Variants in GOSR2 observed in about 807,000 individuals in gnomAD.
GOSR2 encodes golgi SNAP receptor complex member 2, also known as 27 kDa Golgi SNARE protein.
In GOSR2, 20 loss-of-function variants were observed where a neutral mutation model predicts 27.9. The observed-to-expected ratio is 0.72, with a 90% confidence interval of 0.50 to 1.04. The LOEUF (loss-of-function observed/expected upper bound fraction) is 1.04, where lower values mean the gene tolerates loss of function less well. Among genes scored for constraint, GOSR2 ranks in the 50% least tolerant of loss-of-function variants. The pLI is 0.00. For missense variants in GOSR2, 261 were observed against 270.5 expected (o/e 0.97, Z 0.25); for synonymous variants, 91 against 98.8 (o/e 0.92, Z 0.47).
chr17:46,954,022 G>A (rs6504623), intron 6 of GOSR2, among the ~76,000 whole-genome samples: 61,131 of 151,874 alleles, frequency 0.4, 12,520 homozygotes, highest in South Asian at 0.48. Flanking sequence ...TTTGCTGTGC[G>A]GAAGCTCTTT....
At chr17:46,929,208 A>C (rs2086939641) in intron 1 of GOSR2, among the ~76,000 whole-genome samples, 3 of 152,200 alleles carry the variant, frequency 2.0e-5, no homozygotes, top group African/African-American at 7.2e-5. Context: ...AACAAGTTAC[A>C]TAACCTTTCT....
Position 46,941,313 on chromosome 17 carries a change from G to A in GOSR2, c.*2553G>A. On this transcript the variant is annotated 3_prime_UTR_variant, in exon 6 of 6. Coordinates refer to ENST00000640051, the MANE Select transcript of GOSR2 (RefSeq NM_004287.5). The stretch of plus-strand genomic sequence containing the variant: ...TTGCAAATTTGGATTTACACCCATT[G>A]TTTTGGAAGCACATCAGCTGAATAA... The A allele has an allele frequency of 1.0e-6, 1 of 985,634 alleles. No homozygotes were observed. The allele number at this position is 985,634 out of a possible 1,614,324, so 61.1% of individuals were successfully genotyped here. A position where few individuals can be genotyped will look rare whatever the true frequency, so the allele number is the denominator to read the frequency against.
rs1359366442 is a variant in GOSR2, at chr17:46,923,172, G to T, written c.-21G>T. On this transcript the variant is annotated 5_prime_UTR_variant, in exon 1 of 6. Transcript: ENST00000640051. ...TTCCGAGGAAGCCAGAGCCGGAGCCGTGGCCTGCGGGGCCGGCGACATGGA... is the reference window on the plus strand; with the variant it reads ...TTCCGAGGAAGCCAGAGCCGGAGCCTTGGCCTGCGGGGCCGGCGACATGGA... 5 of 1,505,434 alleles carry T rather than the reference G, an allele frequency of 3.3e-6. No homozygotes were observed. The South Asian group carries it at 6.0e-5, about 18-fold the overall frequency. The allele number at this position is 1,505,434 out of a possible 1,614,324, so 93.3% of individuals were successfully genotyped here.
intron 6 of GOSR2, among the ~76,000 whole-genome samples, chr17:46,959,173 G>C (rs147897488): frequency 2.0e-5 from 3 of 152,344 alleles, no homozygotes; most frequent in Non-Finnish European, 4.4e-5. Context: ...GTTGGGCGTA[G>C]TGGCAGAAGT....
intron 6 of GOSR2, among the ~76,000 whole-genome samples, chr17:46,953,292 G>A (rs2147248748): frequency 6.6e-6 from 1 of 151,966 alleles, no homozygotes; most frequent in East Asian, 1.9e-4. Flanking sequence ...GTGAGAACAT[G>A]CAGTGTTTGG....
intron 3 of GOSR2, 101 bp downstream of exon 3, chr17:46,931,308 T>C (rs2087342302): frequency 4.1e-6 from 3 of 739,998 alleles, no homozygotes; most frequent in Non-Finnish European, 5.0e-6. Context: ...CCAACGTACA[T>C]GTTGAAAAAC....
At chr17:46,935,397 T>C (rs2088147157) in intron 5 of GOSR2, 1 of 1,435,474 alleles carries the variant, frequency 7.0e-7, no homozygotes, top group Non-Finnish European at 9.1e-7. Context: ...TGGCCTCTCT[T>C]AGGATCCAGG....
rs577499519 is a variant in GOSR2 at position 46,934,399 on chromosome 17, A to G, written c.337-630A>G. Among the ~76,000 whole-genome samples the G allele has an allele frequency of 5.3e-5, 8 of 152,262 alleles. No homozygotes were observed. The South Asian group carries it at 8.3e-4, about 16-fold the overall frequency. On this transcript the variant is annotated intron_variant, in intron 4 of 5. Coordinates refer to ENST00000640051, the MANE Select transcript of GOSR2 (RefSeq NM_004287.5). ...AAGCTGGGCATGGTAGCATGCACCTATGGTCCCAGCTACTCAGAAGGCTGA... is the reference window on the plus strand; with the variant it reads ...AAGCTGGGCATGGTAGCATGCACCTGTGGTCCCAGCTACTCAGAAGGCTGA...
chr17:46,956,832 G>T (rs1294837801), intron 6 of GOSR2, among the ~76,000 whole-genome samples: 1 of 152,114 alleles, frequency 6.6e-6, no homozygotes, highest in African/African-American at 2.4e-5. Context: ...CCTCACTCCC[G>T]CCCCAAGACT....
chr17:46,936,719 C>T, intron 5 of GOSR2: 1 of 984,724 alleles, frequency 1.0e-6, no homozygotes, highest in Non-Finnish European at 1.2e-6. Flanking sequence ...ATGAAATAAT[C>T]TGTGTGTTCA....
intron 6 of GOSR2, among the ~76,000 whole-genome samples, chr17:46,972,630 G>A (rs1255187120): frequency 6.6e-6 from 1 of 152,202 alleles, no homozygotes; most frequent in Non-Finnish European, 1.5e-5. Context: ...CATGTCCCGG[G>A]CTTTCTGCCC....
At chr17:46,945,643 C>T (rs758973861), downstream of GOSR2, among the ~76,000 whole-genome samples, 7 of 152,096 alleles carry the variant, frequency 4.6e-5, no homozygotes, top group African/African-American at 9.7e-5. Flanking sequence ...CTTTCCAGCC[C>T]GAGCAACAGG....
rs2088874768 is a variant in GOSR2 at position 46,939,013 on chromosome 17, C to G, written c.*253C>G. 4.5e-6 allele frequency: 6 copies of G among 1,330,380 alleles called. No individual in the cohort carries two copies. In the South Asian group the frequency reaches 8.7e-5, roughly 19 times the overall value. 82.4% of individuals were successfully genotyped at this position (1,330,380 alleles called of 1,614,324 possible). On this transcript the variant is annotated 3_prime_UTR_variant, in exon 6 of 6. Transcript: ENST00000640051. The stretch of plus-strand genomic sequence containing the variant: ...GTCCCGGGTCTGTCTCTCTCACTCT[C>G]GCTCTCACTGGGGGAGGGAAAGAAT...
chr17:46,959,331 T>C (rs2090924140), intron 6 of GOSR2, among the ~76,000 whole-genome samples: 1 of 152,196 alleles, frequency 6.6e-6, no homozygotes, highest in Non-Finnish European at 1.5e-5. Flanking sequence ...GTAACATAAA[T>C]CCAACCCCGT....
At chr17:46,951,506 G>T (rs1202049821) in intron 6 of GOSR2, among the ~76,000 whole-genome samples, 1 of 152,190 alleles carries the variant, frequency 6.6e-6, no homozygotes, top group South Asian at 2.1e-4. Context: ...CTCCTGGGAG[G>T]TGCCTTTTAA....
At chr17:46,929,628 A>C (rs745327398) in intron 2 of GOSR2, 44 bp downstream of exon 2, 2 of 971,510 alleles carry the variant, frequency 2.1e-6, no homozygotes, top group Non-Finnish European at 3.4e-6. Flanking sequence ...CTCTGATGAC[A>C]GGGTGCTAAT....
chr17:46,944,586 C>G (rs956171035), downstream of GOSR2, among the ~76,000 whole-genome samples: 9 of 151,374 alleles, frequency 5.9e-5, no homozygotes, highest in Non-Finnish European at 1.2e-4. Flanking sequence ...ACAGTGGGGC[C>G]TGGGCTTCAG....
At chr17:46,930,381 C>T (rs2087160541) in intron 2 of GOSR2, 1 of 152,216 alleles carries the variant, frequency 6.6e-6, no homozygotes, top group Admixed American at 6.5e-5. Flanking sequence ...ACTTTGTTTG[C>T]CTTCTCAGCA....
chr17:46,961,617 A>G (rs1259298309), intron 6 of GOSR2, among the ~76,000 whole-genome samples: 1 of 152,226 alleles, frequency 6.6e-6, no homozygotes, highest in Admixed American at 6.5e-5. Flanking sequence ...TATATTAGTG[A>G]TCACAATAAA....
Sources: gnomAD v4.1 joint callset for allele counts (sites outside exome capture counted in the v4.1 genomes callset) on GRCh38, gnomAD v4.1.1 for gene constraint, MANE v1.5 for transcripts, NCBI Gene and HGNC (gene_info 2026-07-23, HGNC 2026-07-21) for gene names.